NFASC: variants seen among roughly 807,000 people sequenced by gnomAD.
NFASC encodes neurofascin.
A neutral mutation model predicts 147.5 loss-of-function variants in NFASC; 43 were observed. That is an observed-to-expected ratio of 0.29 (90% CI 0.23 to 0.38). The LOEUF is 0.38. Among genes scored for constraint, NFASC ranks in the 10% least tolerant of loss-of-function variants. The probability of loss-of-function intolerance (pLI) is 1.00; values close to 1 mark genes in which losing one functional copy is unlikely to be tolerated. For synonymous variants in NFASC, 622 were observed against 665.5 expected, an observed-to-expected ratio of 0.93 and a Z score of 1.01; for missense variants, 1,320 against 1,689.0, an observed-to-expected ratio of 0.78 and a Z score of 3.83.
chr1:204,984,198 G>A, intron 21 of NFASC: 1 of 1,196,410 alleles, frequency 8.4e-7, no homozygotes, highest in Non-Finnish European at 1.2e-6. Context: ...CCAGGGCCAG[G>A]GGTAGCAAAT....
chr1:204,987,506 G>C lies in NFASC; in HGVS notation c.2559G>C (p.Gly853=), dbSNP rs1383744014. ...GGGATCATCCTGAGCATCCAAATGG[G>C]ATCATGATTGGATACACTCTCAAAT... ...LEWDHPEHPN[G]IMIGYTLKYV... Residue 853 remains glycine, a synonymous_variant, in exon 22 of 30, where the codon GGG becomes GGC. Transcript: ENST00000339876. This position sits in a 1 kb window ranked among gnomAD's most constrained non-coding sequence, Gnocchi z 4.4. 6.2e-7 allele frequency: 1 copy of C among 1,614,096 alleles called. No individual in the cohort carries two copies. Among genetic ancestry groups the C allele is most frequent in the African/African-American group, 1.3e-5 (1 of 75,002 alleles).
chr1:204,871,084 C>T (rs370333066), intron 1 of NFASC: 1 of 1,289,844 alleles, frequency 7.8e-7, no homozygotes, highest in Non-Finnish European at 1.0e-6. Context: ...GGATGGTCAA[C>T]TCTGCCCTCC....
At chr1:204,932,029 C>G (rs2092404625) in intron 2 of NFASC, among the ~76,000 whole-genome samples, 1 of 152,126 alleles carries the variant, frequency 6.6e-6, no homozygotes, top group Non-Finnish European at 1.5e-5. Flanking sequence ...TGAGCAACCT[C>G]ACTCTGGGCT....
chr1:205,014,292 C>T (rs189264870), intron 29 of NFASC, among the ~76,000 whole-genome samples: 32 of 152,352 alleles, frequency 2.1e-4, no homozygotes, highest in African/African-American at 5.8e-4. Flanking sequence ...CACCCCTACA[C>T]GCACACACCC....
intron 1 of NFASC, among the ~76,000 whole-genome samples, chr1:204,885,097 A>T (rs1238437444): frequency 3.9e-5 from 6 of 152,214 alleles, no homozygotes; most frequent in Non-Finnish European, 8.8e-5. Context: ...AGTTTGGGCA[A>T]CATAATGAGA....
At chr1:204,846,952 C>CGTGTGT (rs917596959) in intron 1 of NFASC, among the ~76,000 whole-genome samples, 2 of 124,586 alleles carry the variant, frequency 1.6e-5, no homozygotes, top group Non-Finnish European at 3.3e-5. Context: ...TGTGTGTACG[C>CGTGTGT]GTGTGTGTGT....
At chr1:204,973,474 C>T (rs1197658117) in intron 12 of NFASC, 55 bp downstream of exon 12, 10 of 1,598,760 alleles carry the variant, frequency 6.3e-6, no homozygotes, top group Admixed American at 1.7e-5. Context: ...TGCACAGTCG[C>T]CCTGGGGCTT....
intron 10 of NFASC, among the ~76,000 whole-genome samples, chr1:204,970,293 G>T (rs1054187042): frequency 1.3e-5 from 2 of 152,150 alleles, no homozygotes; most frequent in African/African-American, 4.8e-5. Flanking sequence ...CAGGCCTCCT[G>T]TGAGGATTCT....
intron 1 of NFASC, among the ~76,000 whole-genome samples, chr1:204,903,460 C>T (rs2085103780): frequency 6.6e-6 from 1 of 152,210 alleles, no homozygotes; most frequent in Non-Finnish European, 1.5e-5. Context: ...CCTACAGAGG[C>T]CAGGTGTCTC....
chr1:204,833,794 T>A (rs1672921749), intron 1 of NFASC, among the ~76,000 whole-genome samples: 1 of 152,182 alleles, frequency 6.6e-6, no homozygotes. Context: ...GTAGAAACCA[T>A]TCAGCCTTTG....
chr1:205,006,872 A>C (rs1168404710), intron 27 of NFASC, among the ~76,000 whole-genome samples: 1 of 152,166 alleles, frequency 6.6e-6, no homozygotes, highest in African/African-American at 2.4e-5. Flanking sequence ...GGAGAGCTGT[A>C]GGAGGAGGCT....
chr1:204,869,922 A>G (rs2077449078), intron 1 of NFASC, among the ~76,000 whole-genome samples: 1 of 152,356 alleles, frequency 6.6e-6, no homozygotes, highest in Non-Finnish European at 1.5e-5. Context: ...TATTTTAATT[A>G]TCTTTGATTA....
intron 1 of NFASC, among the ~76,000 whole-genome samples, chr1:204,850,067 G>A (rs186650114): frequency 3.3e-5 from 5 of 152,338 alleles, no homozygotes; most frequent in Admixed American, 6.5e-5. Context: ...ACAGTGAGAA[G>A]AGAGGACTTG....
chr1:204,978,612 T>A (rs2150408837), intron 17 of NFASC, among the ~76,000 whole-genome samples: 1 of 152,314 alleles, frequency 6.6e-6, no homozygotes, highest in Admixed American at 6.5e-5. Context: ...TTCCTAAGTG[T>A]CGTGAGCATG....
At chr1:204,863,133 G>A (rs2076806374) in intron 1 of NFASC, among the ~76,000 whole-genome samples, 1 of 152,178 alleles carries the variant, frequency 6.6e-6, no homozygotes, top group Non-Finnish European at 1.5e-5. Flanking sequence ...CTGGAGACTG[G>A]TGACACTGTC....
chr1:204,897,980 C>G (rs2083725358), intron 1 of NFASC, among the ~76,000 whole-genome samples: 1 of 152,134 alleles, frequency 6.6e-6, no homozygotes, highest in Non-Finnish European at 1.5e-5. Flanking sequence ...TCAAGTGATC[C>G]ACCCGCCTCA....
intron 1 of NFASC, among the ~76,000 whole-genome samples, chr1:204,910,201 C>G (rs1397814648): frequency 2.0e-5 from 3 of 151,870 alleles, no homozygotes; most frequent in Non-Finnish European, 4.4e-5. Flanking sequence ...GTGGAGTATT[C>G]CAGTTTATGA....
chr1:204,985,628 G>C (rs927298884), intron 21 of NFASC, among the ~76,000 whole-genome samples: 3 of 152,222 alleles, frequency 2.0e-5, no homozygotes, highest in African/African-American at 4.8e-5. Context: ...GAGCAGCTCA[G>C]ATGTAAGTTT....
chr1:204,838,030 T>TC lies in NFASC; in HGVS notation c.-200+9252dup, dbSNP rs1674260868. Among the ~76,000 whole-genome samples the TC allele has an allele frequency of 3.3e-5, 5 of 152,224 alleles. No individual in the cohort carries two copies. The South Asian group carries it at 1.0e-3, about 32-fold the overall frequency. On this transcript the variant is annotated intron_variant, in intron 1 of 29. Transcript: ENST00000339876. ...AGCATCCCACAGAACACCTAAAGCC[T>TC]CCCCAACAAACCAGGGGAGAGCAGC... is the stretch of plus-strand genomic sequence containing the variant.
Sources: allele counts gnomAD v4.1 joint callset (sites outside exome capture counted in the v4.1 genomes callset), GRCh38; gene constraint gnomAD v4.1.1; non-coding constraint Gnocchi (gnomAD v3.1); transcripts MANE v1.5; gene names NCBI Gene and HGNC (gene_info 2026-07-23, HGNC 2026-07-21).